Variants in CCDC141 observed in about 807,000 individuals in gnomAD.
CCDC141 encodes coiled-coil domain containing 141.
In CCDC141, 168 loss-of-function variants were observed where a neutral mutation model predicts 181.0. The observed-to-expected ratio is 0.93, with a 90% CI of 0.82 to 1.05. The LOEUF (loss-of-function observed/expected upper bound fraction) is 1.05, where lower values mean the gene tolerates loss of function less well. Ranked by LOEUF, CCDC141 falls within the 50% of genes least tolerant of loss-of-function variation. CCDC141 has a pLI of 0.00. For synonymous variants in CCDC141, 666 were observed against 642.3 expected, an observed-to-expected ratio of 1.04 and a Z score of -0.56; for missense variants, 1,902 against 1,788.5, an observed-to-expected ratio of 1.06 and a Z score of -1.14.
intron 1 of CCDC141, 88 bp downstream of exon 1, chr2:179,049,752 C>A (rs766806316): frequency 4.2e-5 from 59 of 1,418,968 alleles, no homozygotes; most frequent in Non-Finnish European, 5.3e-5. Flanking sequence ...ATGCTGTGTC[C>A]TGCCGATTGC....
intron 2 of CCDC141, among the ~76,000 whole-genome samples, chr2:179,015,145 CA>C (rs1167962714): frequency 1.3e-5 from 1 of 75,738 alleles, no homozygotes; most frequent in South Asian, 3.8e-4. Context: ...TCATATATAT[CA>C]ATATATCTCA....
Position 178,837,068 on chromosome 2 carries a change from C to G in CCDC141, c.4151G>C (p.Arg1384Thr), listed in dbSNP as rs1189715367. 3.1e-6 allele frequency: 5 copies of G among 1,613,998 alleles called. No homozygotes were observed. Among genetic ancestry groups the G allele is most frequent in the Non-Finnish European group, 4.2e-6 (5 of 1,179,970 alleles). The part of the protein sequence containing the change: ...FQSGTSRGYQ[R>T]QMVPREEIKS... ...AATCTCTTCTCGAGGAACCATTTGCCTCTGATAGCCCCTGCTGGTGCCTGA... is the reference window on the plus strand; with the variant it reads ...AATCTCTTCTCGAGGAACCATTTGCGTCTGATAGCCCCTGCTGGTGCCTGA... The change falls in exon 23 of 24, where the codon AGG (arginine) becomes ACG (threonine). Residue 1384 changes from arginine to threonine, a missense_variant. By Grantham distance (71) the Arg-to-Thr change is moderately conservative (BLOSUM62 -1). Coordinates refer to ENST00000443758, the MANE Select transcript of CCDC141 (RefSeq NM_173648.4).
At chr2:179,039,554 A>G (rs960241790) in intron 2 of CCDC141, among the ~76,000 whole-genome samples, 4 of 152,152 alleles carry the variant, frequency 2.6e-5, no homozygotes, top group Non-Finnish European at 4.4e-5. Flanking sequence ...AGACCCTGAG[A>G]CCAGAGAGAC....
chr2:178,935,189 CG>C (rs1277569349), intron 6 of CCDC141, among the ~76,000 whole-genome samples: 1 of 151,990 alleles, frequency 6.6e-6, no homozygotes, highest in East Asian at 1.9e-4. Flanking sequence ...ACTCCTGTCA[CG>C]GGGTTTGTTG....
intron 2 of CCDC141, among the ~76,000 whole-genome samples, chr2:178,979,199 T>G (rs543491942): frequency 1.3e-5 from 2 of 152,272 alleles, no homozygotes; most frequent in South Asian, 4.1e-4. Context: ...TTATCTACTG[T>G]TTGAACAAAA....
intron 22 of CCDC141, among the ~76,000 whole-genome samples, chr2:178,839,617 A>C: frequency 8.4e-6 from 1 of 118,898 alleles, no homozygotes; most frequent in Non-Finnish European, 1.7e-5. Context: ...ATGTGTTTTC[A>C]GGTTGAAGAG....
At chr2:178,819,923 T>C in the CCDC141 span, among the ~76,000 whole-genome samples, 2 of 152,184 alleles carry the variant, frequency 1.3e-5, no homozygotes, top group Non-Finnish European at 2.9e-5. Context: ...TAGAACATTT[T>C]CTGGTCAGTG....
chr2:178,964,145 TTTG>T (rs1198846310), intron 4 of CCDC141, among the ~76,000 whole-genome samples: 1 of 152,194 alleles, frequency 6.6e-6, no homozygotes, highest in Non-Finnish European at 1.5e-5. Flanking sequence ...AATAGTTTAA[TTTG>T]TATAGCCTTA....
At chr2:178,888,480 T>C in intron 9 of CCDC141, 47 bp downstream of exon 9, 1 of 1,526,786 alleles carries the variant, frequency 6.5e-7, no homozygotes, top group Non-Finnish European at 8.9e-7. Flanking sequence ...TACCATATCA[T>C]CTATTATCAC....
Position 178,962,682 on chromosome 2 carries a change from C to T in CCDC141, c.527-1199G>A, listed in dbSNP as rs546531034. On this transcript the variant is annotated intron_variant, in intron 4 of 23. Coordinates refer to ENST00000443758, the MANE Select transcript of CCDC141 (RefSeq NM_173648.4). ...TTCCTCTGTCTCTCTCACACACACA[C>T]GCATGCACACACACTCACACTTACA... Among the ~76,000 whole-genome samples, 13 of 151,438 alleles carry T rather than the reference C, an allele frequency of 8.6e-5. 1 individual carries two copies. The highest frequency in any genetic ancestry group is 2.4e-4 in the African/African-American group (10 of 41,196).
intron 2 of CCDC141, among the ~76,000 whole-genome samples, chr2:179,027,730 G>A (rs1367004990): frequency 1.4e-5 from 2 of 142,238 alleles, no homozygotes; most frequent in Non-Finnish European, 3.0e-5. Flanking sequence ...CATGTAAGAT[G>A]TGACTTGTTC....
chr2:178,916,160 C>A (rs1343038538), intron 7 of CCDC141, among the ~76,000 whole-genome samples: 1 of 152,252 alleles, frequency 6.6e-6, no homozygotes. Context: ...AATTAGGAAA[C>A]CCAGTGCACT....
intron 8 of CCDC141, among the ~76,000 whole-genome samples, chr2:178,889,285 G>A (rs73041935): frequency 0.021 from 3,223 of 151,934 alleles, 112 homozygotes; most frequent in African/African-American, 0.073. Context: ...GAAAAGTGAC[G>A]TGAGAGCTCC....
At chr2:178,864,220 G>C (rs769768420) in intron 17 of CCDC141, among the ~76,000 whole-genome samples, 3 of 152,010 alleles carry the variant, frequency 2.0e-5, no homozygotes, top group Non-Finnish European at 4.4e-5. Context: ...AAGAGAAGGA[G>C]GGAAAACGGG....
chr2:179,015,542 T>TATATCTC lies in CCDC141; in HGVS notation c.225+31741_225+31742insGAGATAT, dbSNP rs1445757184. Among the ~76,000 whole-genome samples, 92 of 46,584 alleles carry TATATCTC rather than the reference T, an allele frequency of 2.0e-3. 7 individuals carry two copies. Among genetic ancestry groups the TATATCTC allele is most frequent in the African/African-American group, 2.7e-3 (47 of 17,714 alleles). 30.6% of individuals were successfully genotyped at this position (46,584 alleles called of 152,430 possible). ...TCACATATATCTCATATATATGATA[T>TATATCTC]ATATATCTCATATCTCATATATATC... On this transcript the variant is annotated intron_variant, in intron 2 of 23. Transcript: ENST00000443758.
intron 2 of CCDC141, among the ~76,000 whole-genome samples, chr2:178,989,685 G>A (rs1043768867): frequency 5.3e-5 from 8 of 149,890 alleles, no homozygotes; most frequent in Non-Finnish European, 8.9e-5. Context: ...AATGGGCAAC[G>A]GACTTGAAAA....
intron 2 of CCDC141, among the ~76,000 whole-genome samples, chr2:179,008,028 T>C (rs1045862883): frequency 6.6e-6 from 1 of 152,208 alleles, no homozygotes; most frequent in African/African-American, 2.4e-5. Context: ...TCATCGTCTA[T>C]GTTCTAAGAT....
intron 4 of CCDC141, 99 bp from the exon 5 acceptor site, chr2:178,961,582 T>C: frequency 9.9e-7 from 1 of 1,005,658 alleles, no homozygotes; most frequent in Non-Finnish European, 1.4e-6. Flanking sequence ...GTAATTTTTA[T>C]GTTAATAAAA....
intron 8 of CCDC141, among the ~76,000 whole-genome samples, chr2:178,896,346 G>T (rs549139610): frequency 6.6e-6 from 1 of 152,258 alleles, no homozygotes; most frequent in African/African-American, 2.4e-5. Flanking sequence ...GGCCCCTCGT[G>T]CCTGGAGCAC....
Sources: allele counts gnomAD v4.1 joint callset (sites outside exome capture counted in the v4.1 genomes callset), GRCh38; gene constraint gnomAD v4.1.1; transcripts MANE v1.5; gene names NCBI Gene and HGNC (gene_info 2026-07-23, HGNC 2026-07-21).